CTNND2: variants seen among roughly 807,000 people sequenced by gnomAD.
CTNND2 encodes catenin delta 2.
In CTNND2, 22 loss-of-function variants were observed where a neutral mutation model predicts 144.4. That is an observed-to-expected ratio of 0.15 (90% CI 0.11 to 0.22). CTNND2 has a LOEUF of 0.22. Among genes scored for constraint, CTNND2 ranks in the 10% least tolerant of loss-of-function variants. CTNND2 has a pLI of 1.00. For missense variants in CTNND2, 1,353 were observed against 1,618.8 expected, an observed-to-expected ratio of 0.84 and a Z score of 2.82; for synonymous variants, 751 against 695.6, an observed-to-expected ratio of 1.08 and a Z score of -1.25.
intron 8 of CTNND2, among the ~76,000 whole-genome samples, chr5:11,350,950 A>T (rs1755273618): frequency 1.3e-5 from 2 of 152,200 alleles, no homozygotes; most frequent in Non-Finnish European, 2.9e-5. Context: ...GAATTTTGAA[A>T]TCAATCAATA....
chr5:11,738,394 TAG>T (rs1787816378), intron 1 of CTNND2, among the ~76,000 whole-genome samples: 1 of 152,206 alleles, frequency 6.6e-6, no homozygotes, highest in Non-Finnish European at 1.5e-5. Context: ...CTTATAACCA[TAG>T]GTAATAAGAT....
In CTNND2 at chr5:11,750,011, C is replaced by T. The variant is rs556072965; in HGVS notation, c.38-17739G>A. On this transcript the variant is annotated intron_variant, in intron 1 of 21. Transcript: ENST00000304623. The stretch of plus-strand genomic sequence containing the variant: ...TTTTGCAGGATCCTCTGGGCAAGTG[C>T]TCACACTGAAGCCAGTATTCTGGCA... Among the ~76,000 whole-genome samples the T allele has an allele frequency of 5.9e-3, 898 of 152,056 alleles. 12 individuals are homozygous for T. The highest frequency in any genetic ancestry group is 8.6e-3 in the Non-Finnish European group (582 of 67,908).
chr5:11,319,208 ATG>A (rs1751798083), intron 9 of CTNND2, among the ~76,000 whole-genome samples: 1 of 152,028 alleles, frequency 6.6e-6, no homozygotes, highest in South Asian at 2.1e-4. Flanking sequence ...TATTTGTTGC[ATG>A]TCTCTTTCTT....
intron 5 of CTNND2, among the ~76,000 whole-genome samples, chr5:11,404,146 A>G (rs1219031475): frequency 1.3e-5 from 2 of 152,240 alleles, no homozygotes; most frequent in Non-Finnish European, 2.9e-5. Context: ...CATGCCATGT[A>G]GTCTCTGGAA....
intron 2 of CTNND2, among the ~76,000 whole-genome samples, chr5:11,593,516 T>C (rs1326767166): frequency 6.6e-6 from 1 of 152,204 alleles, no homozygotes; most frequent in East Asian, 1.9e-4. Flanking sequence ...CTCCCGTAAT[T>C]CCCAGGTGTC....
At chr5:11,556,338 A>G (rs1236683639) in intron 3 of CTNND2, among the ~76,000 whole-genome samples, 1 of 152,232 alleles carries the variant, frequency 6.6e-6, no homozygotes, top group Non-Finnish European at 1.5e-5. Context: ...TTAAGCAAGA[A>G]TAAATCAAAT....
At chr5:11,874,188 C>T (rs55649784) in intron 1 of CTNND2, among the ~76,000 whole-genome samples, 2,104 of 152,242 alleles carry the variant, frequency 0.014, 27 homozygotes, top group Non-Finnish European at 0.023. Flanking sequence ...CTCTTATGAC[C>T]TCTTTGTGAG....
At chr5:11,098,300 CAAG>C (rs1751557875) in intron 15 of CTNND2, among the ~76,000 whole-genome samples, 1 of 152,108 alleles carries the variant, frequency 6.6e-6, no homozygotes. Flanking sequence ...AGCTCAGCTA[CAAG>C]AATAGAATGA....
At chr5:11,305,854 G>C (rs190887438) in intron 9 of CTNND2, among the ~76,000 whole-genome samples, 1 of 152,334 alleles carries the variant, frequency 6.6e-6, no homozygotes, top group Non-Finnish European at 1.5e-5. Flanking sequence ...AAACATGGGA[G>C]AATGTCCTAG....
chr5:10,992,784 G>A (rs1423205484), intron 18 of CTNND2, 107 bp from the exon 19 acceptor site: 2 of 1,441,896 alleles, frequency 1.4e-6, no homozygotes, highest in East Asian at 2.3e-5. Context: ...TTTCTATGGT[G>A]TGTCAGAAGA....
intron 12 of CTNND2, among the ~76,000 whole-genome samples, chr5:11,123,820 T>C (rs1252758801): frequency 3.9e-5 from 6 of 152,230 alleles, no homozygotes; most frequent in African/African-American, 1.2e-4. Context: ...AGAGTACTTC[T>C]TGAATGGCCA....
intron 9 of CTNND2, among the ~76,000 whole-genome samples, chr5:11,343,389 G>A (rs1010402286): frequency 6.6e-6 from 1 of 152,122 alleles, no homozygotes; most frequent in Non-Finnish European, 1.5e-5. Flanking sequence ...TAAGGTAGAT[G>A]CCGGAAATGA....
chr5:11,448,708 G>A (rs1765055532), intron 3 of CTNND2, among the ~76,000 whole-genome samples: 1 of 152,076 alleles, frequency 6.6e-6, no homozygotes, highest in South Asian at 2.1e-4. Context: ...TCACTCTGTT[G>A]CCCAGGGTGG....
intron 16 of CTNND2, among the ~76,000 whole-genome samples, chr5:11,031,134 G>A (rs1483096410): frequency 2.6e-5 from 4 of 152,172 alleles, no homozygotes; most frequent in Non-Finnish European, 5.9e-5. Context: ...TAAAGTGGAT[G>A]AGGAGGGTGA....
At chr5:11,704,276 T>C (rs1354764103) in intron 2 of CTNND2, among the ~76,000 whole-genome samples, 1 of 152,240 alleles carries the variant, frequency 6.6e-6, no homozygotes, top group African/African-American at 2.4e-5. Flanking sequence ...TGGCCTTGGC[T>C]GACATTCACT....
chr5:11,899,659 T>C (rs545223237), intron 1 of CTNND2, among the ~76,000 whole-genome samples: 1 of 152,326 alleles, frequency 6.6e-6, no homozygotes, highest in South Asian at 2.1e-4. Context: ...TTAATATGTA[T>C]ATATTGATTT....
At chr5:11,576,672 T>G (rs1020564083) in intron 2 of CTNND2, among the ~76,000 whole-genome samples, 4 of 152,210 alleles carry the variant, frequency 2.6e-5, no homozygotes, top group African/African-American at 9.6e-5. Context: ...ATTGACACTT[T>G]CAGATATTTT....
At chr5:11,775,290 T>C (rs1310737606) in intron 1 of CTNND2, among the ~76,000 whole-genome samples, 1 of 152,164 alleles carries the variant, frequency 6.6e-6, no homozygotes, top group African/African-American at 2.4e-5. Context: ...GGACATAAAA[T>C]TCTCTTCTGC....
At chr5:11,661,462 C>T (rs755412930) in intron 2 of CTNND2, among the ~76,000 whole-genome samples, 8 of 152,110 alleles carry the variant, frequency 5.3e-5, no homozygotes, top group Non-Finnish European at 1.2e-4. Flanking sequence ...ACTTAACCTT[C>T]TGAACTTGTT....
Sources: gnomAD v4.1 joint callset for allele counts (sites outside exome capture counted in the v4.1 genomes callset) on GRCh38, gnomAD v4.1.1 for gene constraint, MANE v1.5 for transcripts, NCBI Gene and HGNC (gene_info 2026-07-23, HGNC 2026-07-21) for gene names.